The following MYO18B variants were observed in gnomAD, a reference collection of about 807,000 sequenced individuals.
MYO18B encodes unconventional myosin-XVIIIb.
In MYO18B, 204 loss-of-function variants were observed where a neutral mutation model predicts 273.0. The observed-to-expected ratio is 0.75, with a 90% CI of 0.67 to 0.84. MYO18B has a LOEUF of 0.84. Among genes scored for constraint, MYO18B ranks in the 40% least tolerant of loss-of-function variants. The probability of loss-of-function intolerance (pLI) is 0.00; values close to 1 mark genes in which losing one functional copy is unlikely to be tolerated. For synonymous variants in MYO18B, 1,330 were observed against 1,305.7 expected (o/e 1.02, Z -0.40); for missense variants, 3,212 against 3,287.6 (o/e 0.98, Z 0.56).
chr22:25,962,889 C>T (rs1879436881), intron 39 of MYO18B, among the ~76,000 whole-genome samples: 1 of 152,140 alleles, frequency 6.6e-6, no homozygotes, highest in Non-Finnish European at 1.5e-5. Context: ...CAGGCAATGT[C>T]CAGGTTGCCG....
In MYO18B at chr22:26,026,763, G is replaced by A. The variant is rs1413695740; in HGVS notation, c.6789G>A (p.Gln2263=). The A allele has an allele frequency of 1.2e-6, 2 of 1,611,258 alleles. No individual in the cohort carries two copies. The highest frequency in any genetic ancestry group is 1.7e-4 in the Middle Eastern group (1 of 6,058). The change falls in exon 43 of 44, where the codon CAG becomes CAA. Residue 2263 remains glutamine, a synonymous_variant. Coordinates refer to ENST00000335473, the MANE Select transcript of MYO18B (RefSeq NM_032608.7). The part of the protein sequence containing the change: ...FVEGLRRKRA[Q]RGQGSTLGLE... ...AAGGGCTCCGGAGGAAGAGAGCCCA[G>A]AGAGGCCAGGGGTCCACGCTGGGCC...
intron 34 of MYO18B, among the ~76,000 whole-genome samples, chr22:25,938,495 T>A (rs760349341): frequency 5.3e-5 from 8 of 152,224 alleles, no homozygotes; most frequent in Non-Finnish European, 1.0e-4. Flanking sequence ...AAGTCTGACC[T>A]TGGGCAAATC....
intron 17 of MYO18B, among the ~76,000 whole-genome samples, chr22:25,835,679 A>C (rs2089873395): frequency 6.6e-6 from 1 of 152,260 alleles, no homozygotes; most frequent in African/African-American, 2.4e-5. Flanking sequence ...GGCGTGGGCC[A>C]GTCCTCATGG....
At position 25,992,367 on chromosome 22, in the gene MYO18B, A is replaced by G. The variant is rs2093279016; in HGVS notation, c.6161A>G (p.Lys2054Arg). The G allele has an allele frequency of 6.2e-7, 1 of 1,613,882 alleles. No homozygotes were observed. Among genetic ancestry groups the G allele is most frequent in the African/African-American group, 1.3e-5 (1 of 75,060 alleles). Reference sequence around the variant, plus strand: ...GTTTGCATCTTCTGTCCCCAGGAGAAGTACGTGGAGGAACTTGCAGCAGTG... The same window carrying G: ...GTTTGCATCTTCTGTCCCCAGGAGAGGTACGTGGAGGAACTTGCAGCAGTG... ...EASRRCMELE[K>R]YVEELAAVRQ... is the part of the protein sequence containing the mutation. The change falls in exon 40 of 44, where the codon AAG (lysine) becomes AGG (arginine). Residue 2054 changes from lysine to arginine, a missense_variant. Transcript: ENST00000335473.
chr22:25,898,269 C>G (rs1302405853), intron 28 of MYO18B, 38 bp from the exon 29 acceptor site: 1 of 1,588,728 alleles, frequency 6.3e-7, no homozygotes, highest in Non-Finnish European at 8.5e-7. Context: ...TCGTTCCATG[C>G]CCACAGAGCC....
intron 31 of MYO18B, among the ~76,000 whole-genome samples, chr22:25,905,513 C>T (rs370974897): frequency 1.3e-5 from 2 of 151,952 alleles, no homozygotes; most frequent in African/African-American, 4.8e-5. Flanking sequence ...GGGGAGAGAT[C>T]GGGGAAAACT....
In MYO18B at chr22:25,768,442, C is replaced by A. The variant is rs923475427; in HGVS notation, c.526C>A (p.Pro176Thr). Residue 176 changes from proline to threonine, a missense_variant, in exon 4 of 44, where the codon CCC becomes ACC. By Grantham distance (38) the Pro-to-Thr change is conservative. Transcript: ENST00000335473. ...KPEKTHPHDA[P>T]PCKTSPPATD... ...AGAGAAGACTCATCCCCATGACGCC[C>A]CCCCTTGCAAGACCTCTCCCCCCGC... 4.5e-6 allele frequency: 6 copies of A among 1,320,946 alleles called. No homozygotes were observed. The highest frequency in any genetic ancestry group is 3.4e-5 in the Admixed American group (2 of 59,352). The allele number at this position is 1,320,946 out of a possible 1,614,324, so 81.8% of individuals were successfully genotyped here.
intron 39 of MYO18B, among the ~76,000 whole-genome samples, chr22:25,974,961 G>A (rs1040544187): frequency 6.6e-6 from 1 of 152,170 alleles, no homozygotes; most frequent in African/African-American, 2.4e-5. Flanking sequence ...GTGTCAAAGA[G>A]CCATGTCCCA....
chr22:25,913,359 T>TTTTTC (rs57965212), intron 33 of MYO18B, among the ~76,000 whole-genome samples: 136,376 of 151,284 alleles, frequency 0.9, 61,855 homozygotes, highest in Middle Eastern at 0.97. Flanking sequence ...TGATTGTGGC[T>TTTTTC]TTTTCTTTTC....
At chr22:25,877,906 G>A (rs2146204995) in intron 24 of MYO18B, 53 bp from the exon 25 acceptor site, 2 of 1,468,342 alleles carry the variant, frequency 1.4e-6, no homozygotes, top group Non-Finnish European at 1.9e-6. Context: ...TAACACAGGT[G>A]GAACTTAATC....
chr22:25,759,046 G>A (rs1462667379), intron 1 of MYO18B, among the ~76,000 whole-genome samples: 2 of 152,030 alleles, frequency 1.3e-5, no homozygotes, highest in Admixed American at 6.5e-5. Flanking sequence ...GAGCCACCGC[G>A]CCTGGCTGGG....
intron 34 of MYO18B, among the ~76,000 whole-genome samples, chr22:25,922,327 A>G (rs992519480): frequency 2.6e-5 from 4 of 151,916 alleles, no homozygotes; most frequent in Non-Finnish European, 5.9e-5. Flanking sequence ...ACCTAAGGAG[A>G]TGTGATGAGT....
chr22:25,814,784 T>C (rs1014559887), intron 12 of MYO18B, among the ~76,000 whole-genome samples: 11 of 152,204 alleles, frequency 7.2e-5, no homozygotes, highest in Non-Finnish European at 1.5e-4. Flanking sequence ...TTACTCAGAA[T>C]TCATCTTCTG....
At chr22:26,039,784 C>T in the MYO18B span, among the ~76,000 whole-genome samples, 1 of 152,032 alleles carries the variant, frequency 6.6e-6, no homozygotes, top group Non-Finnish European at 1.5e-5. Context: ...CCCTCACTCC[C>T]CTCCCAACCT....
At chr22:25,824,949 T>C (rs2089435810) in intron 13 of MYO18B, among the ~76,000 whole-genome samples, 1 of 143,884 alleles carries the variant, frequency 7.0e-6, no homozygotes, top group South Asian at 2.2e-4. Flanking sequence ...CTGGCACACA[T>C]ATACTGCAAG....
chr22:25,865,731 A>G (rs1372499653), intron 21 of MYO18B, among the ~76,000 whole-genome samples: 2 of 152,212 alleles, frequency 1.3e-5, no homozygotes, highest in African/African-American at 4.8e-5. Flanking sequence ...ACTCTGGATC[A>G]TGATTTTTTT....
chr22:25,817,849 AT>A (rs1354137525), intron 12 of MYO18B, among the ~76,000 whole-genome samples: 1 of 152,214 alleles, frequency 6.6e-6, no homozygotes, highest in Non-Finnish European at 1.5e-5. Flanking sequence ...ACTGATGACC[AT>A]TCCATAGAAC....
chr22:25,891,461 CTT>C, intron 27 of MYO18B, 49 bp downstream of exon 27: 2 of 1,272,988 alleles, frequency 1.6e-6, no homozygotes, highest in Non-Finnish European at 2.2e-6. Flanking sequence ...ACAAAGTTGT[CTT>C]TCCCATTTAT....
At chr22:25,898,846 G>C (rs934072902) in intron 29 of MYO18B, 1 of 195,718 alleles carries the variant, frequency 5.1e-6, no homozygotes, top group Admixed American at 5.3e-5. Flanking sequence ...CCTCTTTCTA[G>C]ATGTGTGACC....
Sources: allele counts gnomAD v4.1 joint callset (sites outside exome capture counted in the v4.1 genomes callset), GRCh38; gene constraint gnomAD v4.1.1; transcripts MANE v1.5; gene names NCBI Gene and HGNC (gene_info 2026-07-23, HGNC 2026-07-21).